The following SMYD3 variants were observed in gnomAD, a reference collection of about 807,000 sequenced individuals.
The protein encoded by SMYD3 is SET and MYND domain containing 3.
A neutral mutation model predicts 57.7 loss-of-function variants in SMYD3; 36 were observed. The observed-to-expected ratio is 0.62, with a 90% CI of 0.48 to 0.82. SMYD3 has a LOEUF of 0.82. Ranked by LOEUF, SMYD3 falls within the 40% of genes least tolerant of loss-of-function variation. SMYD3 has a pLI of 0.00. For synonymous variants in SMYD3, 211 were observed against 195.0 expected, an observed-to-expected ratio of 1.08 and a Z score of -0.68; for missense variants, 515 against 538.8, an observed-to-expected ratio of 0.96 and a Z score of 0.44.
intron 1 of SMYD3, among the ~76,000 whole-genome samples, chr1:246,463,143 C>T (rs192448120): frequency 4.6e-5 from 7 of 152,042 alleles, no homozygotes; most frequent in East Asian, 1.9e-4. Context: ...AGCCCTGAAC[C>T]GAGAACAGTA....
At chr1:246,463,330 G>C (rs1455157553) in intron 1 of SMYD3, among the ~76,000 whole-genome samples, 3 of 152,178 alleles carry the variant, frequency 2.0e-5, no homozygotes, top group African/African-American at 7.2e-5. Context: ...CAGGATTGCA[G>C]TTATTAGGCT....
At chr1:245,923,680 A>G (rs867398428) in intron 7 of SMYD3, among the ~76,000 whole-genome samples, 2 of 152,044 alleles carry the variant, frequency 1.3e-5, no homozygotes, top group African/African-American at 4.8e-5. Flanking sequence ...AGCATTCCTT[A>G]ACCACTCTCC....
At chr1:246,141,688 A>T (rs572285338) in intron 5 of SMYD3, among the ~76,000 whole-genome samples, 97 of 150,394 alleles carry the variant, frequency 6.4e-4, no homozygotes, top group African/African-American at 2.0e-3. Context: ...AAACACATTT[A>T]AAAAAAATCT....
Position 246,435,009 on chromosome 1 carries a change from G to A in SMYD3, c.164+72045C>T, listed in dbSNP as rs77767255. On this transcript the variant is annotated intron_variant, in intron 1 of 11. Transcript: ENST00000490107. Reference sequence around the variant, plus strand: ...AAAAAAGAACAAAATCATGTCCTTTGCGGCAACATGGAAACAGCTGGAGGC... The same window carrying A: ...AAAAAAGAACAAAATCATGTCCTTTACGGCAACATGGAAACAGCTGGAGGC... 8.1e-3 allele frequency among the ~76,000 whole-genome samples: 1,232 copies of A among 152,274 alleles called. 15 individuals carry two copies. Among genetic ancestry groups the A allele is most frequent in the African/African-American group, 0.027 (1,142 of 41,544 alleles).
At chr1:246,367,291 G>C (rs2066121661) in intron 1 of SMYD3, among the ~76,000 whole-genome samples, 1 of 152,090 alleles carries the variant, frequency 6.6e-6, no homozygotes, top group Admixed American at 6.5e-5. Flanking sequence ...TTCCAGTATT[G>C]CAAAAGAGAA....
At chr1:245,944,636 A>T (rs1389540998) in intron 5 of SMYD3, among the ~76,000 whole-genome samples, 1 of 152,176 alleles carries the variant, frequency 6.6e-6, no homozygotes, top group Non-Finnish European at 1.5e-5. Flanking sequence ...ATTAGAAAAA[A>T]CTATTTTAAA....
chr1:245,858,735 C>T, intron 9 of SMYD3, 65 bp from the exon 10 acceptor site: 4 of 1,528,820 alleles, frequency 2.6e-6, no homozygotes, highest in Non-Finnish European at 3.6e-6. Context: ...AAATTAGATT[C>T]TCTAAAAGGC....
intron 8 of SMYD3, among the ~76,000 whole-genome samples, chr1:245,904,742 A>C (rs12088227): frequency 0.21 from 31,822 of 151,834 alleles, 4,958 homozygotes; most frequent in African/African-American, 0.42. Context: ...GGCATGCGAC[A>C]TACTGAGGCA....
chr1:246,327,473 GT>G, intron 4 of SMYD3, 136 bp from the exon 5 acceptor site: 1 of 787,148 alleles, frequency 1.3e-6, no homozygotes, highest in Non-Finnish European at 2.0e-6. Flanking sequence ...AATACATATT[GT>G]TTTATCTTTT....
At chr1:246,458,843 G>C (rs892837906) in intron 1 of SMYD3, among the ~76,000 whole-genome samples, 1 of 152,002 alleles carries the variant, frequency 6.6e-6, no homozygotes, top group Admixed American at 6.6e-5. Flanking sequence ...CCAGGAACAT[G>C]TGATGTGAAA....
intron 5 of SMYD3, among the ~76,000 whole-genome samples, chr1:245,934,888 C>T (rs373826510): frequency 3.9e-5 from 6 of 152,308 alleles, no homozygotes; most frequent in South Asian, 4.1e-4. Context: ...CCCATGCTCA[C>T]GACTTAGTCA....
chr1:246,046,314 T>C (rs565665629), intron 5 of SMYD3, among the ~76,000 whole-genome samples: 218 of 152,304 alleles, frequency 1.4e-3, no homozygotes, highest in African/African-American at 5.1e-3. Flanking sequence ...GATGAGTTCA[T>C]GTCCTTTGTA....
At chr1:246,043,979 A>T (rs537632307) in intron 5 of SMYD3, among the ~76,000 whole-genome samples, 2 of 152,314 alleles carry the variant, frequency 1.3e-5, no homozygotes, top group Admixed American at 1.3e-4. Flanking sequence ...GACTCGCTCT[A>T]CCTGCTGCAG....
intron 10 of SMYD3, among the ~76,000 whole-genome samples, chr1:245,768,381 C>A (rs550231857): frequency 4.2e-4 from 64 of 152,304 alleles, no homozygotes; most frequent in Admixed American, 9.1e-4. Flanking sequence ...AGTCAGGGAA[C>A]TGGGATCTGA....
chr1:246,121,622 A>G (rs561523740), intron 5 of SMYD3, among the ~76,000 whole-genome samples: 2 of 152,316 alleles, frequency 1.3e-5, no homozygotes, highest in South Asian at 4.1e-4. Flanking sequence ...AGTGTTGATT[A>G]TCTCTCTTTC....
chr1:246,231,779 A>G (rs557408338), intron 5 of SMYD3, among the ~76,000 whole-genome samples: 120 of 152,270 alleles, frequency 7.9e-4, no homozygotes, highest in African/African-American at 2.5e-3. Flanking sequence ...ATTACATGCA[A>G]GATCCAATAT....
At chr1:246,165,391 C>T (rs2062190710) in intron 5 of SMYD3, among the ~76,000 whole-genome samples, 1 of 152,008 alleles carries the variant, frequency 6.6e-6, no homozygotes, top group African/African-American at 2.4e-5. Context: ...AAGACAGGCA[C>T]ATTTAAAGGC....
At chr1:246,148,245 A>T (rs563701761) in intron 5 of SMYD3, among the ~76,000 whole-genome samples, 1 of 152,240 alleles carries the variant, frequency 6.6e-6, no homozygotes, top group East Asian at 1.9e-4. Flanking sequence ...AGAGCAGGGC[A>T]CGTGGAGACA....
chr1:246,447,458 A>C (rs536987425), intron 1 of SMYD3, among the ~76,000 whole-genome samples: 6 of 152,240 alleles, frequency 3.9e-5, no homozygotes, highest in Non-Finnish European at 7.3e-5. Flanking sequence ...ATACTGAAAT[A>C]TATTTGACAT....
Sources: gnomAD v4.1 joint callset for allele counts (sites outside exome capture counted in the v4.1 genomes callset) on GRCh38, gnomAD v4.1.1 for gene constraint, MANE v1.5 for transcripts, NCBI Gene and HGNC (gene_info 2026-07-23, HGNC 2026-07-21) for gene names.